ASTN2: variants seen among roughly 807,000 people sequenced by gnomAD.
ASTN2 encodes astrotactin-2.
Under a neutral mutation model 139.8 loss-of-function variants are expected in ASTN2, and 54 were observed. The ratio of observed to expected loss-of-function variants is 0.39; its 90% CI spans 0.31 to 0.48. The LOEUF is 0.48. Ranked by LOEUF, ASTN2 falls within the 20% of genes least tolerant of loss-of-function variation. The pLI, the probability that ASTN2 is intolerant of heterozygous loss-of-function variation, is 0.95. For synonymous variants in ASTN2, 756 were observed against 719.5 expected, an observed-to-expected ratio of 1.05 and a Z score of -0.81; for missense variants, 1,565 against 1,725.1, an observed-to-expected ratio of 0.91 and a Z score of 1.64.
chr9:116,669,462 T>C (rs1318762596), intron 16 of ASTN2, among the ~76,000 whole-genome samples: 1 of 152,204 alleles, frequency 6.6e-6, no homozygotes, highest in Non-Finnish European at 1.5e-5. Flanking sequence ...TGGCTGCGCA[T>C]TTTGCATTCC....
chr9:117,042,374 CTTAAT>C (rs1430360372), intron 5 of ASTN2, among the ~76,000 whole-genome samples: 1 of 152,130 alleles, frequency 6.6e-6, no homozygotes, highest in Non-Finnish European at 1.5e-5. Context: ...CCAGAAGTTA[CTTAAT>C]TTAAGAACAA....
At chr9:116,571,145 C>G (rs985615521) in intron 19 of ASTN2, among the ~76,000 whole-genome samples, 1 of 152,096 alleles carries the variant, frequency 6.6e-6, no homozygotes, top group Non-Finnish European at 1.5e-5. Context: ...TGCCACTGCC[C>G]CAGATGAGAC....
chr9:116,819,520 T>C (rs1831425659), intron 12 of ASTN2, among the ~76,000 whole-genome samples: 1 of 152,170 alleles, frequency 6.6e-6, no homozygotes, highest in East Asian at 1.9e-4. Context: ...AAAACTGGAC[T>C]CTACACACTA....
At chr9:116,475,988 G>A (rs1848968373) in intron 20 of ASTN2, among the ~76,000 whole-genome samples, 1 of 152,084 alleles carries the variant, frequency 6.6e-6, no homozygotes, top group Non-Finnish European at 1.5e-5. Flanking sequence ...TAGTTTCTTA[G>A]GGCTACCATT....
chr9:117,153,042 TATAG>T (rs1360865355), intron 3 of ASTN2, among the ~76,000 whole-genome samples: 1 of 152,078 alleles, frequency 6.6e-6, no homozygotes, highest in Non-Finnish European at 1.5e-5. Flanking sequence ...GCTGCCTCAG[TATAG>T]ATAGAGTACA....
At chr9:116,602,495 A>G (rs183542747) in intron 19 of ASTN2, among the ~76,000 whole-genome samples, 1 of 152,348 alleles carries the variant, frequency 6.6e-6, no homozygotes, top group East Asian at 1.9e-4. Context: ...AACTTTAGAA[A>G]GAAAGGAGGA....
chr9:116,659,523 C>T (rs907690054), intron 16 of ASTN2, among the ~76,000 whole-genome samples: 1 of 152,110 alleles, frequency 6.6e-6, no homozygotes, highest in African/African-American at 2.4e-5. Flanking sequence ...CAAAGTCACA[C>T]AGCTAGCAAC....
chr9:116,753,525 T>C (rs1001098889), intron 13 of ASTN2, among the ~76,000 whole-genome samples: 3 of 152,124 alleles, frequency 2.0e-5, no homozygotes, highest in Non-Finnish European at 2.9e-5. Context: ...TAATATTCAA[T>C]CAATATTGGC....
At chr9:116,957,397 T>C (rs1433646769) in intron 10 of ASTN2, among the ~76,000 whole-genome samples, 1 of 152,242 alleles carries the variant, frequency 6.6e-6, no homozygotes, top group Non-Finnish European at 1.5e-5. Context: ...AACTCTAATA[T>C]AATTACTGAC....
intron 5 of ASTN2, among the ~76,000 whole-genome samples, chr9:117,081,617 A>G (rs186588797): frequency 6.6e-6 from 1 of 152,372 alleles, no homozygotes; most frequent in East Asian, 1.9e-4. Flanking sequence ...TAAGTTGACA[A>G]TGAGTTTATC....
At chr9:117,145,296 C>T (rs1830170050) in intron 3 of ASTN2, among the ~76,000 whole-genome samples, 1 of 152,094 alleles carries the variant, frequency 6.6e-6, no homozygotes, top group Admixed American at 6.5e-5. Context: ...AGAACATGAG[C>T]TTCTGTGCTG....
At position 116,698,808 on chromosome 9, in the gene ASTN2, C is replaced by CTCTT; in HGVS notation, c.2806+26959_2806+26962dup. On this transcript the variant is annotated intron_variant, in intron 16 of 22. Coordinates refer to ENST00000313400, the MANE Select transcript of ASTN2 (RefSeq NM_001365068.1). This position sits in a 1 kb window ranked among gnomAD's most constrained non-coding sequence, Gnocchi z 4.4. ...GGCAGCCTCCAATATCCAGCAGTGC[C>CTCTT]TCTTTCTCAAGAAGATGGGGGCCAA... is the stretch of plus-strand genomic sequence containing the variant. 1 of 1,614,222 alleles carries CTCTT rather than the reference C, an allele frequency of 6.2e-7. No homozygotes were observed. Among genetic ancestry groups the CTCTT allele is most frequent in the Non-Finnish European group, 8.5e-7 (1 of 1,180,038 alleles).
chr9:116,643,541 C>T (rs1857444191), intron 17 of ASTN2, among the ~76,000 whole-genome samples: 1 of 152,152 alleles, frequency 6.6e-6, no homozygotes, highest in South Asian at 2.1e-4. Context: ...TCTAGACTAG[C>T]TTTGAAATCT....
intron 19 of ASTN2, among the ~76,000 whole-genome samples, chr9:116,539,737 T>C (rs925274028): frequency 2.0e-5 from 3 of 152,214 alleles, no homozygotes; most frequent in Non-Finnish European, 2.9e-5. Context: ...GGTGGGATGG[T>C]GCAAGATTTC....
At chr9:117,230,790 G>A (rs1046723828) in intron 2 of ASTN2, among the ~76,000 whole-genome samples, 20 of 152,242 alleles carry the variant, frequency 1.3e-4, no homozygotes, top group African/African-American at 4.8e-4. Context: ...CATGCATCAT[G>A]GAAAGGTAGC....
intron 13 of ASTN2, among the ~76,000 whole-genome samples, chr9:116,735,331 A>G (rs1309142087): frequency 1.3e-5 from 2 of 152,228 alleles, no homozygotes; most frequent in Non-Finnish European, 2.9e-5. Flanking sequence ...GAACAGCAAT[A>G]TGAATTTAAA....
intron 17 of ASTN2, among the ~76,000 whole-genome samples, chr9:116,623,650 G>C (rs1856288315): frequency 6.6e-6 from 1 of 152,188 alleles, no homozygotes; most frequent in South Asian, 2.1e-4. Context: ...ATGCTAGTTT[G>C]CTGGACCAAG....
chr9:116,734,296 A>G (rs1332874855), intron 13 of ASTN2, among the ~76,000 whole-genome samples: 1 of 152,186 alleles, frequency 6.6e-6, no homozygotes, highest in East Asian at 1.9e-4. Context: ...TGACCCCAGA[A>G]AACTGAACTG....
At chr9:116,546,423 G>T (rs1852093823) in intron 19 of ASTN2, 1 of 152,106 alleles carries the variant, frequency 6.6e-6, no homozygotes, top group South Asian at 2.1e-4. Flanking sequence ...GCCCAATGTT[G>T]AACAACTGAT....
Sources: allele counts gnomAD v4.1 joint callset (sites outside exome capture counted in the v4.1 genomes callset), GRCh38; gene constraint gnomAD v4.1.1; non-coding constraint Gnocchi (gnomAD v3.1); transcripts MANE v1.5; gene names NCBI Gene and HGNC (gene_info 2026-07-23, HGNC 2026-07-21).